POLR2F: variants seen among roughly 807,000 people sequenced by gnomAD.
The protein encoded by POLR2F is RNA polymerase II, I and III subunit F, also known as DNA-directed RNA polymerases I, II, and III subunit RPABC2.
POLR2F carries 12 observed loss-of-function variants against 22.7 expected under a neutral mutation model. The ratio of observed to expected loss-of-function variants is 0.53; its 90% CI spans 0.34 to 0.86. The LOEUF (loss-of-function observed/expected upper bound fraction) is 0.86, where lower values mean the gene tolerates loss of function less well. POLR2F is among the 40% of genes least tolerant of loss of function. The pLI is 0.02. For synonymous variants in POLR2F, 57 were observed against 66.0 expected (o/e 0.86, Z 0.66); for missense variants, 126 against 171.5 (o/e 0.73, Z 1.48).
Position 37,962,025 on chromosome 22 carries a change from G to A in POLR2F, c.221+2549G>A, listed in dbSNP as rs532180745. On this transcript the variant is annotated intron_variant, in intron 3 of 4. Transcript: ENST00000442738. ...GCAGGTGGATTGCTTGAGCCCAGAA[G>A]TTCAAAATCAGCCTGGGCAACATGG... 1.3e-3 allele frequency among the ~76,000 whole-genome samples: 193 copies of A among 152,228 alleles called. 3 individuals are homozygous for A. Among genetic ancestry groups the A allele is most frequent in the Non-Finnish European group, 4.6e-4 (31 of 68,032 alleles).
At chr22:37,971,848 G>C (rs2145757552), downstream of POLR2F, among the ~76,000 whole-genome samples, 1 of 152,100 alleles carries the variant, frequency 6.6e-6, no homozygotes, top group South Asian at 2.1e-4. Flanking sequence ...GGGGCTGCTT[G>C]CAAGGCAGTG....
intron 1 of POLR2F, among the ~76,000 whole-genome samples, chr22:37,993,150 G>A (rs1241197494): frequency 1.3e-5 from 2 of 152,178 alleles, no homozygotes; most frequent in African/African-American, 4.8e-5. Context: ...GAAAAGAGCT[G>A]TCTGTAAATA....
At chr22:38,025,792 C>T (rs1156581766) in intron 1 of POLR2F, 11 of 1,533,622 alleles carry the variant, frequency 7.2e-6, no homozygotes, top group Non-Finnish European at 9.8e-6. Flanking sequence ...TCTGCACCCT[C>T]TTTTGGGCAC....
At chr22:38,019,674 C>T (rs1353648409) in intron 1 of POLR2F, among the ~76,000 whole-genome samples, 1 of 152,208 alleles carries the variant, frequency 6.6e-6, no homozygotes, top group Non-Finnish European at 1.5e-5. Flanking sequence ...TCCCTCCTCA[C>T]GTGGGCGGGG....
intron 1 of POLR2F, chr22:37,987,740 G>A (rs981612779): frequency 2.1e-5 from 5 of 241,730 alleles, no homozygotes; most frequent in African/African-American, 4.5e-5. Context: ...CAGGGAAAGC[G>A]TTTAGCACCT....
Position 37,953,859 on chromosome 22 carries a change from A to T in POLR2F, c.20+52A>T, listed in dbSNP as rs370500723. On this transcript the variant is annotated intron_variant, in intron 1 of 4. Coordinates refer to ENST00000442738, the MANE Select transcript of POLR2F (RefSeq NM_021974.5). Reference sequence around the variant, plus strand: ...GCGGCAACCTTGGAAGGGGCGGATGAGGCAAGGCTTGGGTCGGCTGAGGAG... The same window carrying T: ...GCGGCAACCTTGGAAGGGGCGGATGTGGCAAGGCTTGGGTCGGCTGAGGAG... 4.2e-3 allele frequency: 6,719 copies of T among 1,590,708 alleles called. 20 individuals are homozygous for T. The highest frequency in any genetic ancestry group is 5.1e-3 in the Non-Finnish European group (5,987 of 1,169,658).
chr22:37,972,307 G>T (rs1479980819), downstream of POLR2F: 1 of 1,197,210 alleles, frequency 8.4e-7, no homozygotes. Context: ...GGCTCACCAA[G>T]CAGGTAACCG....
At chr22:37,970,972 GA>G (rs1348678802), downstream of POLR2F, 4 of 281,836 alleles carry the variant, frequency 1.4e-5, no homozygotes, top group East Asian at 3.7e-4. Context: ...CAGTTTTGGG[GA>G]GGTTGCTTGA....
chr22:37,977,659 A>T (rs1932262423), intron 4 of POLR2F, among the ~76,000 whole-genome samples: 1 of 151,910 alleles, frequency 6.6e-6, no homozygotes, highest in Non-Finnish European at 1.5e-5. Flanking sequence ...GCCCAGTAGG[A>T]TCAGCCCTGG....
At chr22:38,039,809 C>A (rs2085154206) in intron 5 of POLR2F, among the ~76,000 whole-genome samples, 1 of 152,202 alleles carries the variant, frequency 6.6e-6, no homozygotes, top group South Asian at 2.1e-4. Context: ...TTCAGCGAGA[C>A]CCTGGCGGCC....
chr22:37,978,859 C>G lies in POLR2F; in HGVS notation c.293+11689C>G, dbSNP rs910733789. The stretch of plus-strand genomic sequence containing the variant: ...TGGTATGATCTCAGCTCACTGCAAC[C>G]TCTGCCTCCCAGGTTCAAGTGATTC... On this transcript the variant is annotated intron_variant, in intron 4 of 4. Transcript: ENST00000405557. This position sits in a 1 kb window ranked among gnomAD's most constrained non-coding sequence, Gnocchi z 5.0. Among the ~76,000 whole-genome samples, 1 of 152,142 alleles carries G rather than the reference C, an allele frequency of 6.6e-6. No homozygotes were observed. Among genetic ancestry groups the G allele is most frequent in the East Asian group, 1.9e-4 (1 of 5,200 alleles).
Position 37,986,330 on chromosome 22 carries a change from C to T in POLR2F, c.120+18C>T. On this transcript the variant is annotated intron_variant, in intron 1 of 2. Transcript: ENST00000333418. The surrounding 1 kb of genome is among the most constrained non-coding windows in gnomAD (Gnocchi z 4.7). The stretch of plus-strand genomic sequence containing the variant: ...CTCTCCCGGTGGGTCCCCACTCATC[C>T]TTCCACCCCTCAGTTCCTCCTCTTT... 1 of 1,533,550 alleles carries T rather than the reference C, an allele frequency of 6.5e-7. No homozygotes were observed. The highest frequency in any genetic ancestry group is 8.7e-7 in the Non-Finnish European group (1 of 1,144,750). The allele number at this position is 1,533,550 out of a possible 1,614,324, so 95.0% of individuals were successfully genotyped here. A position where few individuals can be genotyped will look rare whatever the true frequency, so the allele number is the denominator to read the frequency against.
chr22:38,011,640 C>T (rs1184713762), intron 1 of POLR2F, among the ~76,000 whole-genome samples: 1 of 152,124 alleles, frequency 6.6e-6, no homozygotes, highest in Admixed American at 6.5e-5. Flanking sequence ...GTCAATGCTA[C>T]ATTGACTTGA....
upstream of POLR2F, chr22:37,984,254 G>A (rs2145778633): frequency 6.5e-6 from 1 of 154,772 alleles, no homozygotes; most frequent in African/African-American, 2.4e-5. This position sits in a 1 kb window ranked among gnomAD's most constrained non-coding sequence, Gnocchi z 4.4. Context: ...CCAGGTGGGG[G>A]GCAAGGGCGG....
chr22:38,029,650 G>A (rs1415548315), downstream of POLR2F, among the ~76,000 whole-genome samples: 3 of 152,194 alleles, frequency 2.0e-5, no homozygotes, highest in African/African-American at 7.2e-5. Context: ...GGTTCAAGTT[G>A]GTTTCTGTTT....
At chr22:37,998,972 T>C (rs1306809294) in intron 1 of POLR2F, among the ~76,000 whole-genome samples, 1 of 152,016 alleles carries the variant, frequency 6.6e-6, no homozygotes, top group East Asian at 1.9e-4. Context: ...TGGGTCCTGC[T>C]TTTCACCACA....
chr22:37,987,455 C>CACTG, intron 1 of POLR2F: 1 of 363,350 alleles, frequency 2.8e-6, no homozygotes, highest in Non-Finnish European at 5.5e-6. Flanking sequence ...GGGAGCTGGT[C>CACTG]CGGCTTTATG....
At chr22:37,987,135 A>G (rs1279977285) in intron 1 of POLR2F, 2 of 456,578 alleles carry the variant, frequency 4.4e-6, no homozygotes, top group Non-Finnish European at 8.8e-6. Context: ...GGTAGGCTCT[A>G]TGACCTGCCT....
chr22:37,967,378 C>T, intron 4 of POLR2F: 1 of 1,440,424 alleles, frequency 6.9e-7, no homozygotes. Context: ...TGGACGTCTT[C>T]TGGCTGTTGG....
Sources: gnomAD v4.1 joint callset for allele counts (sites outside exome capture counted in the v4.1 genomes callset) on GRCh38, gnomAD v4.1.1 for gene constraint, Gnocchi (gnomAD v3.1) non-coding constraint, MANE v1.5 for transcripts, NCBI Gene and HGNC (gene_info 2026-07-23, HGNC 2026-07-21) for gene names.